The following FGFR2 variants were observed in gnomAD, a reference collection of about 807,000 sequenced individuals.
The protein encoded by FGFR2 is BEK fibroblast growth factor receptor.
A neutral mutation model predicts 95.9 loss-of-function variants in FGFR2; 19 were observed. The ratio of observed to expected loss-of-function variants is 0.20; its 90% CI spans 0.14 to 0.29. The LOEUF is 0.29. Among genes scored for constraint, FGFR2 ranks in the 10% least tolerant of loss-of-function variants. The probability of loss-of-function intolerance (pLI) is 1.00; values close to 1 mark genes in which losing one functional copy is unlikely to be tolerated. For synonymous variants in FGFR2, 392 were observed against 393.3 expected (o/e 1.00, Z 0.04); for missense variants, 707 against 1,056.9 (o/e 0.67, Z 4.59).
At chr10:121,556,776 A>G (rs1266926954) in intron 4 of FGFR2, among the ~76,000 whole-genome samples, 1 of 152,190 alleles carries the variant, frequency 6.6e-6, no homozygotes, top group Non-Finnish European at 1.5e-5. Context: ...TTAAAAACAC[A>G]GCCTGTTCCA....
chr10:121,511,382 G>A lies in FGFR2; in HGVS notation c.1287+3735C>T, dbSNP rs952398852. On this transcript the variant is annotated intron_variant, in intron 9 of 17. Coordinates refer to ENST00000358487, the MANE Select transcript of FGFR2 (RefSeq NM_000141.5). ...CTGATTCAGCAAACCCAGCAACACC[G>A]CACGTCTCCTAAACAGGCATCCTCA... is the stretch of plus-strand genomic sequence containing the variant. 5.9e-5 allele frequency among the ~76,000 whole-genome samples: 9 copies of A among 152,190 alleles called. No individual in the cohort carries two copies. The South Asian group carries it at 1.7e-3, about 28-fold the overall frequency.
intron 15 of FGFR2, among the ~76,000 whole-genome samples, chr10:121,487,006 A>G (rs1331705145): frequency 6.6e-6 from 1 of 152,228 alleles, no homozygotes; most frequent in Non-Finnish European, 1.5e-5. Flanking sequence ...TAAGTGGGAA[A>G]AGCTCCAGGA....
chr10:121,540,686 C>T (rs1271419321), intron 5 of FGFR2, among the ~76,000 whole-genome samples: 2 of 152,146 alleles, frequency 1.3e-5, no homozygotes, highest in East Asian at 3.9e-4. Flanking sequence ...TGGCAGGTAA[C>T]TTAGGGATGT....
intron 17 of FGFR2, chr10:121,481,845 T>A (rs1023125504): frequency 3.7e-5 from 7 of 188,792 alleles, no homozygotes; most frequent in Non-Finnish European, 6.3e-5. Flanking sequence ...TTTTTATTTT[T>A]TTTTTTTTTG....
intron 17 of FGFR2, among the ~76,000 whole-genome samples, chr10:121,483,431 C>T (rs577054309): frequency 7.9e-5 from 12 of 152,310 alleles, no homozygotes; most frequent in South Asian, 2.1e-4. Context: ...CCACATACCC[C>T]GGACTGCTCC....
rs370228138 is a variant in FGFR2 at position 121,485,347 on chromosome 10, G to A, written c.2195+48C>T. ...AGATACATCAGGAGAGGTATTACTG[G>A]TGTGGCAAGTCCACTGGGGCACCGG... On this transcript the variant is annotated intron_variant, in intron 16 of 17. Transcript: ENST00000358487. This position sits in a 1 kb window ranked among gnomAD's most constrained non-coding sequence, Gnocchi z 4.2. 1.1e-5 allele frequency: 18 copies of A among 1,612,846 alleles called. No individual in the cohort carries two copies. The African/African-American group carries it at 2.3e-4, about 20-fold the overall frequency.
chr10:121,485,917 G>T lies in FGFR2; in HGVS notation c.2058-385C>A, dbSNP rs976289456. ...CCAGGATGGGCAGTTGACAGAATAA[G>T]GCCAGCAAGCCAACTCCGCAGGATC... On this transcript the variant is annotated intron_variant, in intron 15 of 17. Coordinates refer to ENST00000358487, the MANE Select transcript of FGFR2 (RefSeq NM_000141.5). The surrounding 1 kb of genome is among the most constrained non-coding windows in gnomAD (Gnocchi z 4.2). Among the ~76,000 whole-genome samples the T allele has an allele frequency of 6.6e-6, 1 of 152,198 alleles. No homozygotes were observed. The highest frequency in any genetic ancestry group is 2.1e-4 in the South Asian group (1 of 4,832).
In FGFR2 at chr10:121,541,097, G is replaced by A. The variant is rs41295491; in HGVS notation, c.625-2382C>T. ...GCTCTCTGAATATTTACTTCCTGGA[G>A]ATGCACTACAAATATTAATAAGTTA... is the stretch of plus-strand genomic sequence containing the variant. On this transcript the variant is annotated intron_variant, in intron 5 of 17. Coordinates refer to ENST00000358487, the MANE Select transcript of FGFR2 (RefSeq NM_000141.5). 7.7e-3 allele frequency among the ~76,000 whole-genome samples: 1,176 copies of A among 152,220 alleles called. 11 individuals are homozygous for A. Among genetic ancestry groups the A allele is most frequent in the African/African-American group, 0.026 (1,099 of 41,522 alleles).
chr10:121,494,126 C>T (rs1017498066), intron 13 of FGFR2, among the ~76,000 whole-genome samples: 1 of 152,048 alleles, frequency 6.6e-6, no homozygotes, highest in Non-Finnish European at 1.5e-5. Flanking sequence ...TTTTGAAGCA[C>T]TAACTGATCC....
chr10:121,506,055 C>A lies in FGFR2; in HGVS notation c.1288-2114G>T, dbSNP rs759642396. Among the ~76,000 whole-genome samples, 45 of 152,196 alleles carry A rather than the reference C, an allele frequency of 3.0e-4. 2 individuals are homozygous for A. Among genetic ancestry groups the A allele is most frequent in the South Asian group, 1.0e-3 (5 of 4,814 alleles). The stretch of plus-strand genomic sequence containing the variant: ...GGATATCATGGGCAAGAAGCTCCAG[C>A]CAAACTAGTAAGAACCGGCCGGCCA... On this transcript the variant is annotated intron_variant, in intron 9 of 17. Transcript: ENST00000358487.
rs558332675 is a variant in FGFR2 at position 121,498,355 on chromosome 10, T to C, written c.1672+140A>G. 3 of 704,472 alleles carry C rather than the reference T, an allele frequency of 4.3e-6. No homozygotes were observed. In the African/African-American group the frequency reaches 5.2e-5, roughly 12 times the overall value. 43.6% of individuals were successfully genotyped at this position (704,472 alleles called of 1,614,324 possible). ...CTTTGTGTTCATGGCTAGGAACATC[T>C]TCCAATGGGGATTTTAAAAAGAACT... On this transcript the variant is annotated intron_variant, in intron 12 of 17. Transcript: ENST00000358487.
intron 10 of FGFR2, among the ~76,000 whole-genome samples, chr10:121,502,229 T>C (rs1405869326): frequency 1.3e-5 from 2 of 152,214 alleles, no homozygotes; most frequent in African/African-American, 2.4e-5. Flanking sequence ...TATCTGTGTA[T>C]ATAATCACAC....
At chr10:121,553,943 G>A (rs1053290560) in intron 4 of FGFR2, among the ~76,000 whole-genome samples, 6 of 152,238 alleles carry the variant, frequency 3.9e-5, no homozygotes, top group Admixed American at 3.3e-4. Flanking sequence ...CCTGACCTGT[G>A]GCAACAGCCC....
intron 7 of FGFR2, among the ~76,000 whole-genome samples, chr10:121,519,020 G>A (rs930525118): frequency 1.3e-5 from 2 of 152,208 alleles, no homozygotes; most frequent in African/African-American, 4.8e-5. Context: ...GGAGAGAAGG[G>A]CAGGAGGGTG....
chr10:121,480,254 C>A (rs1844505793), intron 17 of FGFR2: 2 of 618,534 alleles, frequency 3.2e-6, no homozygotes, highest in Admixed American at 4.7e-5. Context: ...TCCCTGAGAC[C>A]ACGTCTGATG....
chr10:121,482,196 G>A (rs779274055), intron 17 of FGFR2: 3 of 1,611,314 alleles, frequency 1.9e-6, no homozygotes, highest in Non-Finnish European at 2.5e-6. Context: ...AAAAAAACAG[G>A]GATATCAGTA....
intron 2 of FGFR2, among the ~76,000 whole-genome samples, chr10:121,571,638 AC>A (rs1214022853): frequency 7.0e-5 from 10 of 143,694 alleles, no homozygotes; most frequent in Non-Finnish European, 1.4e-4. Flanking sequence ...AAACAAACAA[AC>A]AAACAAACAA....
intron 5 of FGFR2, among the ~76,000 whole-genome samples, chr10:121,545,109 C>G (rs1854314669): frequency 6.6e-6 from 1 of 152,212 alleles, no homozygotes; most frequent in Non-Finnish European, 1.5e-5. Context: ...TACCACTGCA[C>G]TCCAGCCTGC....
At chr10:121,490,154 CTTTTTTTTTTT>C (rs55633189) in intron 13 of FGFR2, among the ~76,000 whole-genome samples, 5 of 80,022 alleles carry the variant, frequency 6.2e-5, no homozygotes, top group South Asian at 1.5e-3. Flanking sequence ...ACTTTTCCTT[CTTTTTTTTTTT>C]TTTTTTTTTT....
Sources: allele counts gnomAD v4.1 joint callset (sites outside exome capture counted in the v4.1 genomes callset), GRCh38; gene constraint gnomAD v4.1.1; non-coding constraint Gnocchi (gnomAD v3.1); transcripts MANE v1.5; gene names NCBI Gene and HGNC (gene_info 2026-07-23, HGNC 2026-07-21).